NTNG1: variants seen among roughly 807,000 people sequenced by gnomAD.
NTNG1 encodes netrin G1, also known as netrin-G1.
Under a neutral mutation model 54.0 loss-of-function variants are expected in NTNG1, and 16 were observed. That is an observed-to-expected ratio of 0.30 (90% CI 0.20 to 0.45). The LOEUF (loss-of-function observed/expected upper bound fraction) is 0.45, where lower values mean the gene tolerates loss of function less well. NTNG1 is among the 20% of genes least tolerant of loss of function. NTNG1 has a pLI of 1.00. For synonymous variants in NTNG1, 255 were observed against 263.1 expected (o/e 0.97, Z 0.30); for missense variants, 530 against 678.7 (o/e 0.78, Z 2.43).
chr1:107,292,942 C>T (rs969382884), intron 2 of NTNG1, among the ~76,000 whole-genome samples: 2 of 150,542 alleles, frequency 1.3e-5, no homozygotes, highest in South Asian at 4.3e-4. Context: ...TAAACTTCCA[C>T]TCCTGCTCTA....
intron 2 of NTNG1, among the ~76,000 whole-genome samples, chr1:107,275,095 G>T (rs1460051017): frequency 6.6e-6 from 1 of 152,124 alleles, no homozygotes; most frequent in Non-Finnish European, 1.5e-5. Context: ...GAGATTAATT[G>T]GCCGGGCATG....
intron 2 of NTNG1, among the ~76,000 whole-genome samples, chr1:107,193,488 A>T (rs899827726): frequency 4.6e-4 from 70 of 151,978 alleles, no homozygotes; most frequent in South Asian, 6.2e-4. Flanking sequence ...CCCCTTTCTT[A>T]ATCTTTTAGT....
intron 1 of NTNG1, among the ~76,000 whole-genome samples, chr1:107,147,787 A>C (rs76555008): frequency 1.3e-5 from 2 of 152,156 alleles, no homozygotes; most frequent in African/African-American, 4.8e-5. Flanking sequence ...GCTTGCTCTC[A>C]GTTTTGTCAA....
chr1:107,201,746 C>CAA (rs1658773655), intron 2 of NTNG1, among the ~76,000 whole-genome samples: 1 of 151,886 alleles, frequency 6.6e-6, no homozygotes, highest in Non-Finnish European at 1.5e-5. Flanking sequence ...AACATGTAAC[C>CAA]TGTTAAAATG....
At chr1:107,278,225 C>T (rs72699350) in intron 2 of NTNG1, among the ~76,000 whole-genome samples, 1 of 152,130 alleles carries the variant, frequency 6.6e-6, no homozygotes, top group Non-Finnish European at 1.5e-5. Context: ...GAAGTATTTC[C>T]TAAAGAACTA....
At chr1:107,188,139 A>G (rs571498083) in intron 2 of NTNG1, among the ~76,000 whole-genome samples, 13 of 151,610 alleles carry the variant, frequency 8.6e-5, no homozygotes, top group South Asian at 2.1e-4. Context: ...AAAAGTATCA[A>G]TTGATTTTTT....
intron 2 of NTNG1, among the ~76,000 whole-genome samples, chr1:107,282,744 G>A (rs1664948374): frequency 6.6e-6 from 1 of 152,072 alleles, no homozygotes; most frequent in Non-Finnish European, 1.5e-5. Context: ...CCAAATTCCT[G>A]GAATGGCCTA....
At chr1:107,148,032 C>A (rs1295880246) in intron 1 of NTNG1, 37 bp from the exon 2 acceptor site, 1 of 153,152 alleles carries the variant, frequency 6.5e-6, no homozygotes, top group Admixed American at 6.5e-5. Flanking sequence ...TATATTGATT[C>A]TGGGACAATA....
chr1:107,182,536 G>C (rs1045989479), intron 2 of NTNG1, among the ~76,000 whole-genome samples: 2 of 151,846 alleles, frequency 1.3e-5, no homozygotes, highest in African/African-American at 4.8e-5. Context: ...ATAGATACAA[G>C]AAAAAAAATG....
chr1:107,391,250 C>T (rs1672338120), intron 3 of NTNG1, among the ~76,000 whole-genome samples: 1 of 152,164 alleles, frequency 6.6e-6, no homozygotes, highest in Admixed American at 6.6e-5. Flanking sequence ...AGAGCTTGGA[C>T]TCTATCCTGA....
chr1:107,302,550 G>A (rs1280291420), intron 2 of NTNG1, among the ~76,000 whole-genome samples: 3 of 151,796 alleles, frequency 2.0e-5, no homozygotes, highest in Admixed American at 1.3e-4. Context: ...TTTGATTTGA[G>A]GGTCAAAGAT....
At chr1:107,355,639 C>T (rs1669893875) in intron 3 of NTNG1, among the ~76,000 whole-genome samples, 1 of 152,126 alleles carries the variant, frequency 6.6e-6, no homozygotes, top group African/African-American at 2.4e-5. Context: ...CCAATTGTCT[C>T]AACAACATTT....
chr1:107,392,463 T>C (rs908068242), intron 3 of NTNG1, among the ~76,000 whole-genome samples: 3 of 151,720 alleles, frequency 2.0e-5, no homozygotes, highest in African/African-American at 7.3e-5. Context: ...GAACAGCATG[T>C]GTAGTCAACA....
chr1:107,241,346 A>T (rs1044951618), intron 2 of NTNG1, among the ~76,000 whole-genome samples: 2 of 152,168 alleles, frequency 1.3e-5, no homozygotes, highest in Admixed American at 1.3e-4. Flanking sequence ...GGGTTCTTGG[A>T]CAGGAGACCT....
At chr1:107,368,198 A>G (rs1312345376) in intron 3 of NTNG1, among the ~76,000 whole-genome samples, 3 of 152,084 alleles carry the variant, frequency 2.0e-5, no homozygotes, top group Admixed American at 2.0e-4. Context: ...CCAATGTCTT[A>G]GGTCTCCTGT....
chr1:107,141,566 A>G (rs1460432072), intron 1 of NTNG1: 1 of 151,418 alleles, frequency 6.6e-6, no homozygotes, highest in East Asian at 2.0e-4. Flanking sequence ...ACCCGCTGCG[A>G]TGCACAGGCG....
intron 7 of NTNG1, among the ~76,000 whole-genome samples, chr1:107,459,787 G>A (rs1677167396): frequency 1.3e-5 from 2 of 152,042 alleles, no homozygotes; most frequent in African/African-American, 2.4e-5. Context: ...CCCAATACAC[G>A]GTTTTGGAAT....
chr1:107,369,293 C>T (rs1018002401), intron 3 of NTNG1, among the ~76,000 whole-genome samples: 65 of 152,278 alleles, frequency 4.3e-4, no homozygotes, highest in Middle Eastern at 3.4e-3. Flanking sequence ...ATATGGTAAA[C>T]ATAAGTTTAA....
At chr1:107,419,964 G>A (rs1422012999) in intron 5 of NTNG1, among the ~76,000 whole-genome samples, 1 of 152,018 alleles carries the variant, frequency 6.6e-6, no homozygotes, top group Middle Eastern at 3.2e-3. Context: ...GCCCCTATTA[G>A]TATAATTCTA....
Sources: allele counts gnomAD v4.1 joint callset (sites outside exome capture counted in the v4.1 genomes callset), GRCh38; gene constraint gnomAD v4.1.1; transcripts MANE v1.5; gene names NCBI Gene and HGNC (gene_info 2026-07-23, HGNC 2026-07-21).